The following KCNH7 variants were observed in gnomAD, a reference collection of about 807,000 sequenced individuals.
The protein encoded by KCNH7 is potassium voltage-gated channel subfamily H member 7, also known as voltage-gated inwardly rectifying potassium channel KCNH7.
In KCNH7, 49 loss-of-function variants were observed where a neutral mutation model predicts 120.8. That is an observed-to-expected ratio of 0.41 (90% CI 0.32 to 0.51). The LOEUF (loss-of-function observed/expected upper bound fraction) is 0.51, where lower values mean the gene tolerates loss of function less well. Ranked by LOEUF, KCNH7 falls within the 20% of genes least tolerant of loss-of-function variation. The pLI is 0.38. For missense variants in KCNH7, 1,097 were observed against 1,446.6 expected, an observed-to-expected ratio of 0.76 and a Z score of 3.92; for synonymous variants, 547 against 516.1, an observed-to-expected ratio of 1.06 and a Z score of -0.81.
intron 2 of KCNH7, among the ~76,000 whole-genome samples, chr2:162,744,851 G>A (rs1430327453): frequency 6.6e-6 from 1 of 152,148 alleles, no homozygotes; most frequent in African/African-American, 2.4e-5. Flanking sequence ...GGGATTACAG[G>A]CGTGAGCCAC....
At chr2:162,752,955 A>AACCCTGACTAAT (rs1688634419) in intron 2 of KCNH7, among the ~76,000 whole-genome samples, 1 of 114,452 alleles carries the variant, frequency 8.7e-6, no homozygotes, top group African/African-American at 5.0e-5. Context: ...AAAGAAAAGA[A>AACCCTGACTAAT]AAGAAAAGAA....
chr2:162,533,321 C>T (rs961110129), intron 3 of KCNH7, among the ~76,000 whole-genome samples: 6 of 151,518 alleles, frequency 4.0e-5, no homozygotes, highest in Non-Finnish European at 7.4e-5. Context: ...ACATCAGTTG[C>T]GTCAATAAAT....
intron 12 of KCNH7, among the ~76,000 whole-genome samples, chr2:162,388,542 T>G (rs989603724): frequency 1.3e-5 from 2 of 151,890 alleles, no homozygotes; most frequent in Non-Finnish European, 2.9e-5. Flanking sequence ...CAAAAGATAC[T>G]TTTATAGATC....
intron 2 of KCNH7, among the ~76,000 whole-genome samples, chr2:162,644,367 A>G (rs947079254): frequency 6.6e-6 from 1 of 152,008 alleles, no homozygotes; most frequent in Non-Finnish European, 1.5e-5. Context: ...TAATGATCCC[A>G]CCCCAGAAAA....
intron 9 of KCNH7, among the ~76,000 whole-genome samples, chr2:162,410,041 A>T (rs1687338604): frequency 6.6e-6 from 1 of 152,106 alleles, no homozygotes; most frequent in South Asian, 2.1e-4. Flanking sequence ...ATTCCTGTCA[A>T]TGTACCAAAG....
At chr2:162,450,939 G>A (rs1029969565) in intron 6 of KCNH7, among the ~76,000 whole-genome samples, 2 of 151,926 alleles carry the variant, frequency 1.3e-5, no homozygotes, top group Non-Finnish European at 2.9e-5. Flanking sequence ...TACATCTCAG[G>A]GTATAAGGAT....
intron 6 of KCNH7, among the ~76,000 whole-genome samples, chr2:162,489,254 C>T (rs909158423): frequency 6.6e-6 from 1 of 151,748 alleles, no homozygotes; most frequent in Non-Finnish European, 1.5e-5. Context: ...TTATTTTTTC[C>T]TCATCATTGA....
intron 3 of KCNH7, among the ~76,000 whole-genome samples, chr2:162,522,154 T>C (rs1691553778): frequency 6.6e-6 from 1 of 151,930 alleles, no homozygotes. Flanking sequence ...ATTGCCAAGT[T>C]GAAAATCAGT....
At chr2:162,649,320 G>A (rs1434269922) in intron 2 of KCNH7, among the ~76,000 whole-genome samples, 1 of 152,102 alleles carries the variant, frequency 6.6e-6, no homozygotes, top group East Asian at 1.9e-4. Context: ...TTTGTTTTGA[G>A]AGAAGCTTAA....
chr2:162,618,378 A>T (rs1341862801), intron 2 of KCNH7, among the ~76,000 whole-genome samples: 4 of 152,052 alleles, frequency 2.6e-5, no homozygotes, highest in Admixed American at 2.6e-4. Context: ...TACAACATGG[A>T]TCCTAAAGTA....
chr2:162,619,290 A>G (rs1460950055), intron 2 of KCNH7, among the ~76,000 whole-genome samples: 1 of 152,082 alleles, frequency 6.6e-6, no homozygotes, highest in Non-Finnish European at 1.5e-5. Context: ...AGGTGAGTAC[A>G]AGATCAGAAA....
At chr2:162,424,008 T>A (rs1338341807) in intron 8 of KCNH7, among the ~76,000 whole-genome samples, 1 of 152,174 alleles carries the variant, frequency 6.6e-6, no homozygotes, top group Non-Finnish European at 1.5e-5. Flanking sequence ...AATCTAACCT[T>A]GTAGAATAAA....
At chr2:162,805,112 G>A (rs879683382) in intron 2 of KCNH7, among the ~76,000 whole-genome samples, 3 of 151,854 alleles carry the variant, frequency 2.0e-5, no homozygotes, top group Non-Finnish European at 4.4e-5. Context: ...TTAAATCTAA[G>A]TCTTGAAACT....
chr2:162,786,165 C>T (rs1466385562), intron 2 of KCNH7, among the ~76,000 whole-genome samples: 1 of 148,268 alleles, frequency 6.7e-6, no homozygotes, highest in Admixed American at 6.9e-5. Flanking sequence ...ATTGCTTGAA[C>T]CAGGGAGGTG....
chr2:162,697,209 C>A (rs568157390), intron 2 of KCNH7, among the ~76,000 whole-genome samples: 47 of 152,086 alleles, frequency 3.1e-4, no homozygotes, highest in Admixed American at 1.1e-3. Context: ...CATAATTTTG[C>A]CAGAGGGGTG....
At chr2:162,421,058 T>C (rs1289971541) in intron 9 of KCNH7, among the ~76,000 whole-genome samples, 1 of 152,174 alleles carries the variant, frequency 6.6e-6, no homozygotes, top group Non-Finnish European at 1.5e-5. Context: ...TGTTCAGAGT[T>C]ATCTTGCAGT....
chr2:162,569,625 G>T (rs1461123868), intron 2 of KCNH7, among the ~76,000 whole-genome samples: 4 of 148,994 alleles, frequency 2.7e-5, no homozygotes, highest in Non-Finnish European at 4.5e-5. Context: ...TGATGTTAGG[G>T]TGTCAATTTT....
chr2:162,700,995 T>A (rs1052670386), intron 2 of KCNH7, among the ~76,000 whole-genome samples: 5 of 152,178 alleles, frequency 3.3e-5, no homozygotes, highest in African/African-American at 1.2e-4. Context: ...GGGCACTGGT[T>A]TCATAACTAA....
chr2:162,832,315 T>G (rs2105619860), intron 2 of KCNH7, among the ~76,000 whole-genome samples: 1 of 152,288 alleles, frequency 6.6e-6, no homozygotes, highest in African/African-American at 2.4e-5. Flanking sequence ...CTGAATGTTT[T>G]ACATGCCATA....
Sources: gnomAD v4.1 joint callset for allele counts (sites outside exome capture counted in the v4.1 genomes callset) on GRCh38, gnomAD v4.1.1 for gene constraint, MANE v1.5 for transcripts, NCBI Gene and HGNC (gene_info 2026-07-23, HGNC 2026-07-21) for gene names.